Variants in CDK15 observed in about 807,000 individuals in gnomAD.
The protein encoded by CDK15 is cyclin dependent kinase 15, also known as cyclin-dependent kinase 15.
A neutral mutation model predicts 60.3 loss-of-function variants in CDK15; 62 were observed. The ratio of observed to expected loss-of-function variants is 1.03; its 90% CI spans 0.84 to 1.27. The LOEUF (loss-of-function observed/expected upper bound fraction) is 1.27. Among genes scored for constraint, CDK15 ranks in the 50% most tolerant of loss-of-function variants. CDK15 has a pLI of 0.00. For missense variants in CDK15, 541 were observed against 527.8 expected (o/e 1.03, Z -0.25); for synonymous variants, 194 against 195.7 (o/e 0.99, Z 0.07).
chr2:201,841,484 C>T (rs562774257), intron 8 of CDK15, among the ~76,000 whole-genome samples: 25 of 152,234 alleles, frequency 1.6e-4, no homozygotes, highest in Non-Finnish European at 1.9e-4. Flanking sequence ...CACTGAGATC[C>T]CTCTCCTCCC....
At chr2:201,877,561 C>T (rs755576226) in intron 11 of CDK15, among the ~76,000 whole-genome samples, 3 of 152,122 alleles carry the variant, frequency 2.0e-5, no homozygotes, top group Non-Finnish European at 4.4e-5. Context: ...ATGAGATTTC[C>T]CCTGAGTCTC....
At chr2:201,869,015 A>C (rs1559143085) in intron 10 of CDK15, among the ~76,000 whole-genome samples, 1 of 152,202 alleles carries the variant, frequency 6.6e-6, no homozygotes, top group Non-Finnish European at 1.5e-5. Context: ...TTGACCCAGC[A>C]ATCCCATTAC....
At chr2:201,819,777 T>C (rs1160976598) in intron 4 of CDK15, among the ~76,000 whole-genome samples, 2 of 152,150 alleles carry the variant, frequency 1.3e-5, no homozygotes, top group Non-Finnish European at 2.9e-5. Context: ...CTTCATAAAA[T>C]GGATGAATGG....
At chr2:201,841,230 A>T (rs1023070964) in intron 8 of CDK15, among the ~76,000 whole-genome samples, 1 of 152,216 alleles carries the variant, frequency 6.6e-6, no homozygotes, top group African/African-American at 2.4e-5. Flanking sequence ...TTTTTACCAC[A>T]TATACAAAAA....
chr2:201,888,682 G>T, intron 12 of CDK15: 1 of 1,331,900 alleles, frequency 7.5e-7, no homozygotes, highest in Non-Finnish European at 9.6e-7. Flanking sequence ...TTGATTAACC[G>T]GTTGCCTTCC....
intron 1 of CDK15, 36 bp from the exon 2 acceptor site, chr2:201,807,458 C>A: frequency 6.3e-7 from 1 of 1,596,386 alleles, no homozygotes; most frequent in Non-Finnish European, 8.5e-7. Flanking sequence ...CTTTACTTTG[C>A]ATAAATTTTA....
At chr2:201,869,089 T>C (rs1311190202) in intron 10 of CDK15, among the ~76,000 whole-genome samples, 1 of 152,214 alleles carries the variant, frequency 6.6e-6, no homozygotes, top group Non-Finnish European at 1.5e-5. Flanking sequence ...TGTATGTTTA[T>C]TGTGACACTA....
chr2:201,888,497 G>C (rs1198921749), intron 12 of CDK15: 1 of 1,534,914 alleles, frequency 6.5e-7, no homozygotes, highest in Non-Finnish European at 8.7e-7. Context: ...TCAGCCTCGG[G>C]AAGCTAATGA....
chr2:201,824,011 A>G (rs1036196729), intron 6 of CDK15, among the ~76,000 whole-genome samples: 3 of 152,232 alleles, frequency 2.0e-5, no homozygotes, highest in Non-Finnish European at 2.9e-5. Flanking sequence ...TTAGATGAAT[A>G]AACGAGTGAA....
At chr2:201,816,100 A>G (rs10931971) in intron 4 of CDK15, among the ~76,000 whole-genome samples, 94,162 of 152,102 alleles carry the variant, frequency 0.62, 30,347 homozygotes, top group Admixed American at 0.73. Context: ...TTATATAAAC[A>G]TTAAGGAAAA....
chr2:201,822,758 C>G (rs1199986933), intron 4 of CDK15, 51 bp from the exon 5 acceptor site: 1 of 1,026,242 alleles, frequency 9.7e-7, no homozygotes. Flanking sequence ...ATCTTTAGAG[C>G]AGCACTTTCA....
intron 8 of CDK15, among the ~76,000 whole-genome samples, chr2:201,837,504 AAGGAAG>A (rs1353973030): frequency 2.7e-5 from 4 of 147,026 alleles, no homozygotes; most frequent in Admixed American, 2.0e-4. Context: ...GGAAGGAAGG[AAGGAAG>A]GAAAGAAGGA....
At chr2:201,875,104 G>A (rs186988643) in intron 11 of CDK15, among the ~76,000 whole-genome samples, 151 of 152,250 alleles carry the variant, frequency 9.9e-4, no homozygotes, top group African/African-American at 3.1e-3. Flanking sequence ...GGTGTTTTAC[G>A]CAGTCACAAA....
intron 10 of CDK15, among the ~76,000 whole-genome samples, chr2:201,856,110 G>A (rs1366136543): frequency 2.6e-5 from 4 of 152,190 alleles, no homozygotes; most frequent in Admixed American, 6.5e-5. Context: ...TTACAGGCAT[G>A]AGCCAGCGCG....
chr2:201,810,221 G>A (rs894114647), intron 3 of CDK15, among the ~76,000 whole-genome samples: 1 of 151,968 alleles, frequency 6.6e-6, no homozygotes, highest in East Asian at 1.9e-4. Flanking sequence ...CTGGGGAAAA[G>A]TATATGCAAA....
chr2:201,865,892 C>CA (rs35178158), intron 10 of CDK15, among the ~76,000 whole-genome samples: 4,309 of 39,998 alleles, frequency 0.11, 991 homozygotes, highest in Non-Finnish European at 0.14. Context: ...TCCATCTCAA[C>CA]AAAAAAAAAA....
chr2:201,818,230 C>T (rs530425218), intron 4 of CDK15, among the ~76,000 whole-genome samples: 15 of 152,278 alleles, frequency 9.9e-5, no homozygotes, highest in African/African-American at 2.9e-4. Context: ...AGCCTAAAGA[C>T]GACTTTGACT....
At chr2:201,869,115 A>G in intron 10 of CDK15, among the ~76,000 whole-genome samples, 1 of 152,234 alleles carries the variant, frequency 6.6e-6, no homozygotes. Context: ...AATAGCAAAG[A>G]CTTGGAACCA....
intron 12 of CDK15, among the ~76,000 whole-genome samples, chr2:201,883,127 G>A (rs1699340095): frequency 6.6e-6 from 1 of 152,214 alleles, no homozygotes; most frequent in South Asian, 2.1e-4. Flanking sequence ...TTGCTCTCTG[G>A]TGGCATTTCA....
Sources: gnomAD v4.1 joint callset for allele counts (sites outside exome capture counted in the v4.1 genomes callset) on GRCh38, gnomAD v4.1.1 for gene constraint, MANE v1.5 for transcripts, NCBI Gene and HGNC (gene_info 2026-07-23, HGNC 2026-07-21) for gene names.